Variants in MBTPS2 observed in about 807,000 individuals in gnomAD.
MBTPS2 encodes the protein membrane-bound transcription factor site-2 protease.
Under a neutral mutation model 35.4 loss-of-function variants are expected in MBTPS2, and 2 were observed. The ratio of observed to expected loss-of-function variants is 0.06; its 90% CI spans 0.02 to 0.18. The LOEUF (loss-of-function observed/expected upper bound fraction) is 0.18, where lower values mean the gene tolerates loss of function less well. MBTPS2 is among the 10% of genes least tolerant of loss of function. The pLI is 1.00. For synonymous variants in MBTPS2, 125 were observed against 140.4 expected, an observed-to-expected ratio of 0.89 and a Z score of 0.77; for missense variants, 244 against 386.5, an observed-to-expected ratio of 0.63 and a Z score of 3.09.
chrX:21,857,276 G>T (rs1430627035), intron 5 of MBTPS2: 1 of 1,210,207 alleles, frequency 8.3e-7, no homozygotes, highest in Non-Finnish European at 1.1e-6. Context: ...GCGAAAAGAT[G>T]TTCCGGGATT....
chrX:21,852,208 A>T (rs185446908), intron 4 of MBTPS2, among the ~76,000 whole-genome samples: 151 of 111,793 alleles, frequency 1.4e-3, no homozygotes, highest in African/African-American at 4.9e-3. Context: ...GAAGCCTATA[A>T]CACATATAAA....
In MBTPS2 at chrX:21,839,750, C is replaced by CTGG. The variant is rs398124305; in HGVS notation, c.32_34dup (p.Val11dup). ...CGCTGCCGCCATGATTCCGGTGTCGCTGGTGGTGGTGGTGGTGGGTGGCTG... is the reference window on the plus strand; with the variant it reads ...CGCTGCCGCCATGATTCCGGTGTCGCTGGTGGTGGTGGTGGTGGTGGGTGGCTG... On this transcript the variant is annotated inframe_insertion, in exon 1 of 11. Coordinates refer to ENST00000379484, the MANE Select transcript of MBTPS2 (RefSeq NM_015884.4). 1.3e-5 allele frequency: 16 copies of CTGG among 1,188,370 alleles called. No homozygotes were observed. The highest frequency in any genetic ancestry group is 3.7e-5 in the South Asian group (2 of 54,070).
intron 4 of MBTPS2, among the ~76,000 whole-genome samples, chrX:21,853,133 G>A (rs938568011): frequency 7.2e-5 from 8 of 110,860 alleles, no homozygotes; most frequent in Non-Finnish European, 1.3e-4. Context: ...AAATTTTGAA[G>A]TTATGTCTAT....
intron 5 of MBTPS2, among the ~76,000 whole-genome samples, chrX:21,866,198 A>G (rs745379052): frequency 9.0e-6 from 1 of 111,176 alleles, no homozygotes; most frequent in African/African-American, 3.3e-5. Flanking sequence ...AATAAAATTG[A>G]TCCTCAATTC....
chrX:21,852,169 G>A (rs971155131), intron 4 of MBTPS2, among the ~76,000 whole-genome samples: 1 of 111,574 alleles, frequency 9.0e-6, no homozygotes, highest in African/African-American at 3.3e-5. Context: ...CTTCCCAAAT[G>A]TATCATTGTA....
rs373227165 is a variant in MBTPS2 at position 21,869,571 on chromosome X, C to T, written c.863C>T (p.Thr288Ile). Residue 288 changes from threonine (T) to isoleucine (I), a missense_variant, in exon 7 of 11, where the codon ACT becomes ATT. Coordinates refer to ENST00000379484, the MANE Select transcript of MBTPS2 (RefSeq NM_015884.4). ...LVTHLQDCPVTNVQDWNECLD... is the reference protein window; with the variant it reads ...LVTHLQDCPVINVQDWNECLD... ...ACCCATCTACAGGATTGTCCTGTTA[C>T]TAATGTGCAAGATTGGAATGAATGT... The T allele has an allele frequency of 8.3e-7, 1 of 1,208,593 alleles. No individual in the cohort carries two copies. The highest frequency in any genetic ancestry group is 1.1e-6 in the Non-Finnish European group (1 of 892,652).
Position 21,856,313 on chromosome X carries a change from C to T in MBTPS2, c.670+2810C>T, listed in dbSNP as rs1425108621. 4 of 367,035 alleles carry T rather than the reference C, an allele frequency of 1.1e-5. No individual in the cohort carries two copies. The African/African-American group carries it at 1.3e-4, about 12-fold the overall frequency. 30.2% of individuals were successfully genotyped at this position (367,035 alleles called of 1,213,427 possible). ...TCTCTGCAGCTCGCGCCTTTCTCTG[C>T]AGCTCGCGCCTTTCTCTGCAGCTCG... On this transcript the variant is annotated intron_variant, in intron 5 of 10. Coordinates refer to ENST00000379484, the MANE Select transcript of MBTPS2 (RefSeq NM_015884.4).
chrX:21,856,379 C>T lies in MBTPS2; in HGVS notation c.670+2876C>T, dbSNP rs755945944. The T allele has an allele frequency of 3.3e-5, 31 of 943,730 alleles. No homozygotes were observed. The South Asian group carries it at 7.0e-4, about 21-fold the overall frequency. 77.8% of individuals were successfully genotyped at this position (943,730 alleles called of 1,213,427 possible). A position where few individuals can be genotyped will look rare whatever the true frequency, so the allele number is the denominator to read the frequency against. On this transcript the variant is annotated intron_variant, in intron 5 of 10. Transcript: ENST00000379484. ...CTCGCGCCTTTCTCTGCAGCTCGCC[C>T]CTTCCTCTGCAGCTCGCCCCTTCCT... is the stretch of plus-strand genomic sequence containing the variant.
At chrX:21,852,732 G>T (rs2092916155) in intron 4 of MBTPS2, among the ~76,000 whole-genome samples, 1 of 109,664 alleles carries the variant, frequency 9.1e-6, no homozygotes, top group Non-Finnish European at 1.9e-5. Flanking sequence ...TTTTTCTAGG[G>T]GGGCTGTTTG....
intron 5 of MBTPS2, among the ~76,000 whole-genome samples, chrX:21,862,967 T>TATATATATAA (rs1283198445): frequency 1.2e-4 from 7 of 58,350 alleles, no homozygotes; most frequent in East Asian, 6.5e-4. Context: ...TATATATATA[T>TATATATATAA]AAAACCGACT....
intron 6 of MBTPS2, 53 bp downstream of exon 6, chrX:21,868,638 C>T: frequency 1.2e-6 from 1 of 839,361 alleles, no homozygotes; most frequent in South Asian, 2.0e-5. Flanking sequence ...TGATGTAATA[C>T]CTAGCATCTA....
chrX:21,857,713 T>C (rs999478608), intron 5 of MBTPS2: 23 of 788,430 alleles, frequency 2.9e-5, no homozygotes, highest in Admixed American at 6.9e-5. Flanking sequence ...TAAAAAAAAA[T>C]GAATCCTGCA....
In MBTPS2 at chrX:21,878,765, C is replaced by T. The variant is rs796880823; in HGVS notation, c.1261+73C>T. On this transcript the variant is annotated intron_variant, in intron 9 of 10. Transcript: ENST00000379484. ...TAGTCTCAGTGGTAGAGACTCACTA[C>T]AAATCCTTGAATTAATACATTTATT... 96 of 677,802 alleles carry T rather than the reference C, an allele frequency of 1.4e-4. No individual in the cohort carries two copies. In the South Asian group the frequency reaches 1.5e-3, roughly 11 times the overall value. 55.9% of individuals were successfully genotyped at this position (677,802 alleles called of 1,213,427 possible).
intron 5 of MBTPS2, among the ~76,000 whole-genome samples, chrX:21,867,632 CT>C (rs11290067): frequency 0.38 from 31,776 of 83,877 alleles, 5,319 homozygotes; most frequent in East Asian, 0.51. Flanking sequence ...ACGGTTTTCT[CT>C]TTTTTTTTTT....
At chrX:21,878,285 A>G in intron 8 of MBTPS2, 149 bp downstream of exon 8, 1 of 523,330 alleles carries the variant, frequency 1.9e-6, no homozygotes, top group Non-Finnish European at 3.2e-6. Flanking sequence ...GTCACATTTC[A>G]TCTGAAAATC....
intron 7 of MBTPS2, among the ~76,000 whole-genome samples, chrX:21,874,446 T>C (rs1490555008): frequency 9.0e-6 from 1 of 111,453 alleles, no homozygotes; most frequent in Admixed American, 9.6e-5. Context: ...CTATGTGTTA[T>C]ATATTTAATA....
At chrX:21,869,296 A>G (rs1270658776) in intron 6 of MBTPS2, among the ~76,000 whole-genome samples, 3 of 112,398 alleles carry the variant, frequency 2.7e-5, no homozygotes, top group African/African-American at 9.7e-5. Context: ...TGAAAAATTC[A>G]AAATCTTGGA....
chrX:21,870,314 A>G (rs985702176), intron 7 of MBTPS2: 1 of 111,201 alleles, frequency 9.0e-6, no homozygotes, highest in Non-Finnish European at 1.9e-5. Context: ...ATCTTTATGC[A>G]TGTCTGTAGA....
chrX:21,872,409 G>A (rs749083267), intron 7 of MBTPS2: 2 of 110,427 alleles, frequency 1.8e-5, no homozygotes, highest in Admixed American at 9.8e-5. Flanking sequence ...TTTCACTGTT[G>A]TGGATCATGT....
Sources: gnomAD v4.1 joint callset for allele counts (sites outside exome capture counted in the v4.1 genomes callset) on GRCh38, gnomAD v4.1.1 for gene constraint, MANE v1.5 for transcripts, NCBI Gene and HGNC (gene_info 2026-07-23, HGNC 2026-07-21) for gene names.